The following TTLL8 variants were observed in gnomAD, a reference collection of about 807,000 sequenced individuals.
The protein encoded by TTLL8 is tubulin tyrosine ligase like 8, also known as protein monoglycylase TTLL8.
In TTLL8, 65 loss-of-function variants were observed where a neutral mutation model predicts 77.8. That is an observed-to-expected ratio of 0.84 (90% CI 0.68 to 1.03). TTLL8 has a LOEUF of 1.03. Among genes scored for constraint, TTLL8 ranks in the 50% least tolerant of loss-of-function variants. The pLI, the probability that TTLL8 is intolerant of heterozygous loss-of-function variation, is 0.00. For synonymous variants in TTLL8, 402 were observed against 422.8 expected (o/e 0.95, Z 0.60); for missense variants, 910 against 1,004.5 (o/e 0.91, Z 1.27).
At chr22:50,056,820 G>A (rs913516046), upstream of TTLL8, 11 of 1,289,494 alleles carry the variant, frequency 8.5e-6, no homozygotes, top group South Asian at 3.7e-5. This position sits in a 1 kb window ranked among gnomAD's most constrained non-coding sequence, Gnocchi z 4.1. Context: ...CTCTGAGCCC[G>A]GGCCACTCTG....
intron 11 of TTLL8, among the ~76,000 whole-genome samples, chr22:50,031,458 G>A (rs904609921): frequency 1.3e-5 from 2 of 152,216 alleles, no homozygotes; most frequent in South Asian, 2.1e-4. Flanking sequence ...CCGCCCGCAC[G>A]CCTGGAGTAG....
intron 4 of TTLL8, among the ~76,000 whole-genome samples, chr22:50,046,426 C>T (rs894806818): frequency 3.9e-5 from 6 of 152,240 alleles, no homozygotes; most frequent in African/African-American, 1.4e-4. Context: ...AGAGGCATAT[C>T]GTGAAGTCCC....
At chr22:50,057,084 G>C, upstream of TTLL8, 3 of 746,862 alleles carry the variant, frequency 4.0e-6, no homozygotes, top group South Asian at 4.5e-5. Flanking sequence ...TTGGGGATCA[G>C]CTCTGGGGTT....
At chr22:50,029,474 G>A (rs981127783) in intron 12 of TTLL8, among the ~76,000 whole-genome samples, 1 of 151,610 alleles carries the variant, frequency 6.6e-6, no homozygotes, top group African/African-American at 2.4e-5. Context: ...GGGCGCGGTG[G>A]CTCACGCCTG....
Position 50,041,972 on chromosome 22 carries a change from AC to A in TTLL8, c.644-166del, listed in dbSNP as rs371461341. ...CCCCAGACAGGCACCCCAATACCCA[AC>A]CAAGCTTCTCTGGGCAACCGCCCTG... On this transcript the variant is annotated intron_variant, in intron 6 of 13. Coordinates refer to ENST00000266182, the Ensembl canonical transcript of TTLL8. The surrounding 1 kb of genome is among the most constrained non-coding windows in gnomAD (Gnocchi z 4.3). 3.8e-4 allele frequency among the ~76,000 whole-genome samples: 58 copies of A among 152,158 alleles called. No individual in the cohort carries two copies. The highest frequency in any genetic ancestry group is 1.3e-3 in the African/African-American group (56 of 41,502).
chr22:50,033,162 T>C, intron 10 of TTLL8, 40 bp downstream of exon 11: 1 of 1,300,706 alleles, frequency 7.7e-7, no homozygotes, highest in Non-Finnish European at 1.0e-6. Flanking sequence ...CAGCAGCCCA[T>C]TCCCTGGCCC....
chr22:50,058,084 G>A (rs1324664960), upstream of TTLL8, among the ~76,000 whole-genome samples: 1 of 151,900 alleles, frequency 6.6e-6, no homozygotes, highest in African/African-American at 2.4e-5. This position sits in a 1 kb window ranked among gnomAD's most constrained non-coding sequence, Gnocchi z 4.2. Context: ...GGCAGATGGG[G>A]AGGAGGGGTC....
At chr22:50,056,885 G>T, upstream of TTLL8, 2 of 1,289,670 alleles carry the variant, frequency 1.6e-6, no homozygotes, top group Non-Finnish European at 2.0e-6. This position sits in a 1 kb window ranked among gnomAD's most constrained non-coding sequence, Gnocchi z 4.1. Flanking sequence ...CTTCTCTCCC[G>T]TCTCCATCTG....
chr22:50,052,092 C>T (rs542091305), intron 1 of TTLL8, among the ~76,000 whole-genome samples: 1 of 152,208 alleles, frequency 6.6e-6, no homozygotes, highest in East Asian at 1.9e-4. Context: ...AGCACCCACA[C>T]GAGACATCTG....
At chr22:50,024,516 G>A (rs898548011) in intron 12 of TTLL8, among the ~76,000 whole-genome samples, 1 of 152,206 alleles carries the variant, frequency 6.6e-6, no homozygotes, top group Non-Finnish European at 1.5e-5. Flanking sequence ...CTTCAAGAGA[G>A]TATATTTTTG....
chr22:50,031,823 C>G (rs764974961), exon 11 of TTLL8: 2 of 1,367,106 alleles, frequency 1.5e-6, no homozygotes, highest in Non-Finnish European at 2.0e-6. Flanking sequence ...GAATTGATCT[C>G]GATCAGCCAG....
intron 12 of TTLL8, among the ~76,000 whole-genome samples, chr22:50,020,043 C>T (rs553783385): frequency 6.6e-6 from 1 of 152,288 alleles, no homozygotes; most frequent in East Asian, 1.9e-4. Context: ...TCTTATCATA[C>T]TTTTCTTAGT....
At chr22:50,020,655 GACA>G (rs1225559016) in intron 12 of TTLL8, among the ~76,000 whole-genome samples, 4 of 140,634 alleles carry the variant, frequency 2.8e-5, no homozygotes, top group Admixed American at 7.1e-5. Context: ...TCCTCCATCT[GACA>G]ACATGCACTC....
At position 50,031,866 on chromosome 22, in the gene TTLL8, C is replaced by T. The variant is rs769437980; in HGVS notation, c.1527G>A (p.Gly509=). Residue 509 remains glycine (G), a synonymous_variant, in exon 11 of 14, where the codon GGG becomes GGA. Coordinates refer to ENST00000266182, the Ensembl canonical transcript of TTLL8. ...AGTCCCTCCCAAGGACGAAGTCAGC[C>T]CCGTAGAGCTCAAAGCTGTTCTTGC... 2.0e-5 allele frequency: 27 copies of T among 1,367,328 alleles called. No individual in the cohort carries two copies. The Admixed American group carries it at 4.8e-4, about 24-fold the overall frequency. 84.7% of individuals were successfully genotyped at this position (1,367,328 alleles called of 1,614,324 possible).
At position 50,034,419 on chromosome 22, in the gene TTLL8, G is replaced by T; in HGVS notation, c.965C>A (p.Thr322Lys). ...GATGTTCCGGAGCCCGTCAATGTCC[G>T]TCTGAGGGTTCACAGACGTGATTCT... Residue 322 changes from threonine (T) to lysine (K), a missense_variant, in exon 9 of 14, where the codon ACG (threonine) becomes AAG (lysine). Around this residue, in one of 2 missense-constraint regions of TTLL8, gnomAD observed 776 missense variants for 926.1 expected, o/e 0.84. Coordinates refer to ENST00000266182, the Ensembl canonical transcript of TTLL8. This position sits in a 1 kb window ranked among gnomAD's most constrained non-coding sequence, Gnocchi z 4.1. The T allele has an allele frequency of 7.3e-7, 1 of 1,367,318 alleles. No individual in the cohort carries two copies. The highest frequency in any genetic ancestry group is 1.1e-5 in the South Asian group (1 of 88,038). 84.7% of individuals were successfully genotyped at this position (1,367,318 alleles called of 1,614,324 possible).
intron 8 of TTLL8, among the ~76,000 whole-genome samples, chr22:50,040,349 G>A (rs1008496299): frequency 2.0e-5 from 3 of 152,178 alleles, no homozygotes; most frequent in Admixed American, 6.5e-5. Context: ...AGTGTGGACG[G>A]ACCTCACAGA....
intron 8 of TTLL8, among the ~76,000 whole-genome samples, chr22:50,037,364 C>T (rs762713567): frequency 3.9e-5 from 6 of 151,980 alleles, no homozygotes; most frequent in Admixed American, 1.3e-4. Flanking sequence ...CGCACCACCG[C>T]GCCCAGCTAA....
At chr22:50,053,040 G>A (rs2061452125) in intron 1 of TTLL8, among the ~76,000 whole-genome samples, 1 of 152,078 alleles carries the variant, frequency 6.6e-6, no homozygotes, top group Non-Finnish European at 1.5e-5. Flanking sequence ...TGGCCAACAT[G>A]GTGAAACCCC....
upstream of TTLL8, chr22:50,057,000 GGA>G: frequency 1.6e-6 from 2 of 1,285,326 alleles, no homozygotes; most frequent in South Asian, 1.2e-5. The surrounding 1 kb of genome is among the most constrained non-coding windows in gnomAD (Gnocchi z 4.1). Flanking sequence ...GGTGGTTACA[GGA>G]AACTGGGAGG....
Sources: allele counts gnomAD v4.1 joint callset (sites outside exome capture counted in the v4.1 genomes callset), GRCh38; gene constraint gnomAD v4.1.1; regional missense constraint gnomAD v4.1.1; non-coding constraint Gnocchi (gnomAD v3.1); transcripts MANE v1.5; gene names NCBI Gene and HGNC (gene_info 2026-07-23, HGNC 2026-07-21).